RFX4: variants seen among roughly 807,000 people sequenced by gnomAD.
RFX4 encodes the protein regulatory factor X4, also known as transcription factor RFX4.
Under a neutral mutation model 95.0 loss-of-function variants are expected in RFX4, and 10 were observed. That is an observed-to-expected ratio of 0.11 (90% CI 0.06 to 0.18). RFX4 has a LOEUF of 0.18. Among genes scored for constraint, RFX4 ranks in the 10% least tolerant of loss-of-function variants. RFX4 has a pLI of 1.00. For missense variants in RFX4, 640 were observed against 922.0 expected (o/e 0.69, Z 3.96); for synonymous variants, 321 against 340.7 (o/e 0.94, Z 0.64).
chr12:106,639,244 T>G, intron 2 of RFX4, 88 bp from the exon 3 acceptor site: 1 of 1,111,010 alleles, frequency 9.0e-7, no homozygotes, highest in Non-Finnish European at 1.3e-6. Flanking sequence ...AGAAACATAG[T>G]CTTTTGAAAC....
intron 11 of RFX4, among the ~76,000 whole-genome samples, chr12:106,717,369 GA>G (rs1178800421): frequency 6.6e-6 from 1 of 152,218 alleles, no homozygotes; most frequent in Admixed American, 6.5e-5. Flanking sequence ...GACTCATAAG[GA>G]AAAATACAAT....
chr12:106,639,967 A>G lies in RFX4; in HGVS notation c.191+575A>G, dbSNP rs561017550. Among the ~76,000 whole-genome samples the G allele has an allele frequency of 9.2e-5, 14 of 152,326 alleles. No homozygotes were observed. The South Asian group carries it at 2.9e-3, about 32-fold the overall frequency. ...TGAACACTAGAGCTCTCTATGCCTG[A>G]GATTCACCCTATGAAGAATCTTGGC... On this transcript the variant is annotated intron_variant, in intron 3 of 17. Transcript: ENST00000392842.
chr12:106,682,124 G>C, intron 5 of RFX4, 70 bp downstream of exon 5: 6 of 1,512,010 alleles, frequency 4.0e-6, no homozygotes, highest in Non-Finnish European at 5.5e-6. Context: ...CACACCCTTG[G>C]CTCTTTATCC....
intron 5 of RFX4, chr12:106,682,372 C>G (rs138508135): frequency 2.5e-6 from 1 of 392,550 alleles, no homozygotes; most frequent in East Asian, 4.7e-5. Flanking sequence ...TGGAGGATCA[C>G]CAGGTTATCT....
intron 4 of RFX4, among the ~76,000 whole-genome samples, chr12:106,674,096 CCACT>C (rs1260662327): frequency 6.6e-6 from 1 of 152,238 alleles, no homozygotes; most frequent in Non-Finnish European, 1.5e-5. Context: ...TCTCCTCCTG[CCACT>C]CCCTCGCCCA....
At chr12:106,756,750 T>C (rs1566009751) in intron 17 of RFX4, among the ~76,000 whole-genome samples, 1 of 152,120 alleles carries the variant, frequency 6.6e-6, no homozygotes, top group East Asian at 1.9e-4. Context: ...TTAATAAAGG[T>C]CGGAACAGGG....
At chr12:106,615,590 C>T (rs1342972787) in intron 2 of RFX4, among the ~76,000 whole-genome samples, 1 of 152,126 alleles carries the variant, frequency 6.6e-6, no homozygotes, top group Non-Finnish European at 1.5e-5. Flanking sequence ...TTAACAACAT[C>T]AAATTTCCAA....
chr12:106,720,695 C>T lies in RFX4; in HGVS notation c.1234-64C>T. ...AGCCACTTCAACCGGCCTCATTTTTCAAAGAGACAGTAATAAATGAAAGGT... is the reference window on the plus strand; with the variant it reads ...AGCCACTTCAACCGGCCTCATTTTTTAAAGAGACAGTAATAAATGAAAGGT... On this transcript the variant is annotated intron_variant, in intron 12 of 17. Coordinates refer to ENST00000392842, the MANE Select transcript of RFX4 (RefSeq NM_213594.3). This position sits in a 1 kb window ranked among gnomAD's most constrained non-coding sequence, Gnocchi z 4.2. The T allele has an allele frequency of 6.6e-7, 1 of 1,510,616 alleles. No homozygotes were observed. The highest frequency in any genetic ancestry group is 1.1e-5 in the South Asian group (1 of 88,884). 93.6% of individuals were successfully genotyped at this position (1,510,616 alleles called of 1,614,324 possible).
At chr12:106,594,889 GAGAA>G (rs2039596525) in intron 1 of RFX4, among the ~76,000 whole-genome samples, 1 of 152,074 alleles carries the variant, frequency 6.6e-6, no homozygotes, top group African/African-American at 2.4e-5. Flanking sequence ...AGAAGGAAGG[GAGAA>G]AGAGAGGGAG....
At position 106,583,324 on chromosome 12, in the gene RFX4, C is replaced by A. The variant is rs1445093298; in HGVS notation, c.4C>A (p.His2Asn). 6.3e-7 allele frequency: 1 copy of A among 1,587,552 alleles called. No individual in the cohort carries two copies. Among genetic ancestry groups the A allele is most frequent in the African/African-American group, 1.4e-5 (1 of 72,832 alleles). Residue 2 changes from histidine to asparagine, a missense_variant, in exon 1 of 18, where the codon CAT becomes AAT. His to Asn is a moderately conservative substitution (Grantham distance 68, BLOSUM62 1). This residue lies in a region of RFX4 where 63 missense variants were observed against 68.8 expected (regional missense o/e 0.92). Coordinates refer to ENST00000392842, the MANE Select transcript of RFX4 (RefSeq NM_213594.3). ...CTGTGCTGTCCATGGGAAGAGCATG[C>A]ATTGTGGGTTACTGGAGGAACCCGA... M[H>N]CGLLEEPDMD...
intron 4 of RFX4, among the ~76,000 whole-genome samples, chr12:106,667,670 C>T (rs74490508): frequency 0.059 from 8,963 of 152,200 alleles, 570 homozygotes; most frequent in African/African-American, 0.16. Context: ...CAGGGAGCCA[C>T]GATTCCCTGT....
intron 4 of RFX4, among the ~76,000 whole-genome samples, chr12:106,678,958 TC>T (rs1395823264): frequency 6.6e-6 from 1 of 152,228 alleles, no homozygotes; most frequent in Non-Finnish European, 1.5e-5. Context: ...ATTTAGCTTT[TC>T]CTTATTTCAG....
At position 106,749,079 on chromosome 12, in the gene RFX4, A is replaced by C. The variant is rs552038607; in HGVS notation, c.1796+1480A>C. On this transcript the variant is annotated intron_variant, in intron 16 of 17. Coordinates refer to ENST00000392842, the MANE Select transcript of RFX4 (RefSeq NM_213594.3). ...CAGCCTGGCGACAGAGGGAGACTTCATCTCAAAAAAAAAAAAAAAGAAAAG... is the reference window on the plus strand; with the variant it reads ...CAGCCTGGCGACAGAGGGAGACTTCCTCTCAAAAAAAAAAAAAAAGAAAAG... Among the ~76,000 whole-genome samples the C allele has an allele frequency of 2.5e-3, 354 of 143,100 alleles. 2 individuals are homozygous for C. Among genetic ancestry groups the C allele is most frequent in the African/African-American group, 8.9e-3 (349 of 39,246 alleles). 93.9% of individuals were successfully genotyped at this position (143,100 alleles called of 152,430 possible).
At chr12:106,671,328 T>C (rs2041276422) in intron 4 of RFX4, among the ~76,000 whole-genome samples, 1 of 152,010 alleles carries the variant, frequency 6.6e-6, no homozygotes, top group Admixed American at 6.5e-5. Flanking sequence ...ATCATATTAT[T>C]TGGGGTCAAA....
At chr12:106,723,207 T>C (rs182501267) in intron 13 of RFX4, among the ~76,000 whole-genome samples, 1 of 152,338 alleles carries the variant, frequency 6.6e-6, no homozygotes, top group East Asian at 1.9e-4. Flanking sequence ...TGCTGTGAAC[T>C]AAAGTAGCCA....
chr12:106,607,495 G>A (rs565188263), intron 1 of RFX4, among the ~76,000 whole-genome samples: 5 of 142,460 alleles, frequency 3.5e-5, no homozygotes, highest in South Asian at 2.3e-4. Context: ...AACGTGGACC[G>A]AAGTAGCTGG....
intron 8 of RFX4, among the ~76,000 whole-genome samples, chr12:106,700,492 C>T (rs1328988618): frequency 8.1e-5 from 12 of 149,002 alleles, no homozygotes; most frequent in East Asian, 2.0e-4. Context: ...CTGCAAGCTC[C>T]GCCTCCCGGG....
rs550548046 is a variant in RFX4, at chr12:106,738,813, T to G, written c.1633+5728T>G. The stretch of plus-strand genomic sequence containing the variant: ...CAACATGTATGATTATATAGGCATA[T>G]TATATTATAAAGCACAAACTATTTA... On this transcript the variant is annotated intron_variant, in intron 15 of 17. Coordinates refer to ENST00000392842, the MANE Select transcript of RFX4 (RefSeq NM_213594.3). 2.6e-5 allele frequency among the ~76,000 whole-genome samples: 4 copies of G among 152,246 alleles called. No individual in the cohort carries two copies. The East Asian group carries it at 7.7e-4, about 29-fold the overall frequency.
chr12:106,591,389 T>A (rs550352576), intron 1 of RFX4, among the ~76,000 whole-genome samples: 1 of 146,944 alleles, frequency 6.8e-6, no homozygotes, highest in Non-Finnish European at 1.5e-5. Context: ...TGTCTCAGCC[T>A]CCTGAGTAGC....
Sources: gnomAD v4.1 joint callset for allele counts (sites outside exome capture counted in the v4.1 genomes callset) on GRCh38, gnomAD v4.1.1 for gene constraint, gnomAD v4.1.1 regional missense constraint, Gnocchi (gnomAD v3.1) non-coding constraint, MANE v1.5 for transcripts, NCBI Gene and HGNC (gene_info 2026-07-23, HGNC 2026-07-21) for gene names.